SPTBN4: variants seen among roughly 807,000 people sequenced by gnomAD.
SPTBN4 encodes spectrin beta, non-erythrocytic 4, also known as spectrin beta chain, non-erythrocytic 4.
A neutral mutation model predicts 277.8 loss-of-function variants in SPTBN4; 96 were observed. The observed-to-expected ratio is 0.35, with a 90% CI of 0.29 to 0.41. The LOEUF (loss-of-function observed/expected upper bound fraction) is 0.41. SPTBN4 is among the 10% of genes least tolerant of loss of function. The pLI is 1.00. For synonymous variants in SPTBN4, 1,481 were observed against 1,580.3 expected, an observed-to-expected ratio of 0.94 and a Z score of 1.49; for missense variants, 3,006 against 3,595.7, an observed-to-expected ratio of 0.84 and a Z score of 4.19.
In SPTBN4 at chr19:40,513,043, C is replaced by T. The variant is rs1425994916; in HGVS notation, c.2254C>T (p.Arg752Trp). ...CCTGGCGGAGCGCGCGGCGAGCGCC[C>T]GGCGCCGCTGGCAGAGGCTGGAAGA... is the stretch of plus-strand genomic sequence containing the variant. ...VGLAERAASA[R>W]RRWQRLEEAA... The change falls in exon 14 of 36, where the codon CGG (arginine) becomes TGG (tryptophan). Residue 752 changes from arginine (R) to tryptophan (W), a missense_variant. By Grantham distance (101) the Arg-to-Trp change is moderately radical. Around this residue, in one of 5 missense-constraint regions of SPTBN4, gnomAD observed 1,759 missense variants for 2,061.5 expected, o/e 0.85. Transcript: ENST00000598249. 5 of 1,420,376 alleles carry T rather than the reference C, an allele frequency of 3.5e-6. No homozygotes were observed. The highest frequency in any genetic ancestry group is 2.8e-5 in the South Asian group (2 of 70,246). 88.0% of individuals were successfully genotyped at this position (1,420,376 alleles called of 1,614,324 possible). A position where few individuals can be genotyped will look rare whatever the true frequency, so the allele number is the denominator to read the frequency against.
chr19:40,535,772 AAC>A (rs1306606179), intron 20 of SPTBN4, among the ~76,000 whole-genome samples: 14 of 152,144 alleles, frequency 9.2e-5, no homozygotes, highest in South Asian at 4.1e-4. Context: ...CTCTACTAAA[AAC>A]ACACACAAAA....
Position 40,568,132 on chromosome 19 carries a change from G to A in SPTBN4, c.6806G>A (p.Arg2269Gln), listed in dbSNP as rs200652727. ...EEAARRRRPE[R>Q]QESAEHEAAH... ...GCTGCGCGGAGGCGGCGGCCGGAGCGGCAGGAGTCAGCGGAGCACGAGGCG... is the reference window on the plus strand; with the variant it reads ...GCTGCGCGGAGGCGGCGGCCGGAGCAGCAGGAGTCAGCGGAGCACGAGGCG... The change falls in exon 31 of 36, where the codon CGG becomes CAG. Residue 2269 changes from arginine to glutamine, a missense_variant. Physicochemically the swap from Arg to Gln is conservative, Grantham distance 43. This residue lies in a region of SPTBN4 where 630 missense variants were observed against 677.6 expected (regional missense o/e 0.93). Coordinates refer to ENST00000598249, the MANE Select transcript of SPTBN4 (RefSeq NM_020971.3). The A allele has an allele frequency of 7.0e-6, 11 of 1,576,494 alleles. No homozygotes were observed. The highest frequency in any genetic ancestry group is 1.2e-5 in the South Asian group (1 of 86,516).
intron 7 of SPTBN4, among the ~76,000 whole-genome samples, chr19:40,500,300 CA>C (rs908043152): frequency 4.6e-5 from 7 of 152,108 alleles, no homozygotes; most frequent in Admixed American, 1.3e-4. Flanking sequence ...AGGCAGGAAC[CA>C]TGATAATCTT....
intron 20 of SPTBN4, among the ~76,000 whole-genome samples, chr19:40,548,346 C>A (rs1263080642): frequency 1.3e-5 from 2 of 151,914 alleles, no homozygotes; most frequent in Non-Finnish European, 2.9e-5. Flanking sequence ...AAAAAATTAG[C>A]AAGGCATGGT....
At chr19:40,480,228 G>T (rs1470528920) in intron 2 of SPTBN4, among the ~76,000 whole-genome samples, 1 of 142,502 alleles carries the variant, frequency 7.0e-6, no homozygotes, top group African/African-American at 2.7e-5. Context: ...TCCAGCCGGG[G>T]TTAACAGAGA....
In SPTBN4 at chr19:40,467,023, C is replaced by G. The variant is rs889374538; in HGVS notation, c.-298C>G. Among the ~76,000 whole-genome samples the G allele has an allele frequency of 4.0e-5, 6 of 151,708 alleles. No homozygotes were observed. The highest frequency in any genetic ancestry group is 1.5e-4 in the African/African-American group (6 of 41,370). On this transcript the variant is annotated 5_prime_UTR_variant, in exon 1 of 36. Transcript: ENST00000598249. ...GCCGCCGTGCCCTCGCGAGTGCAGC[C>G]GTGCACCCCACGCCGCGGCCGGGTG...
intron 17 of SPTBN4, among the ~76,000 whole-genome samples, chr19:40,528,807 T>G (rs2080625847): frequency 6.6e-6 from 1 of 152,112 alleles, no homozygotes; most frequent in Non-Finnish European, 1.5e-5. Flanking sequence ...TATCTCTTTC[T>G]TTCTAAGTGC....
rs1269598025 is a variant in SPTBN4, at chr19:40,570,470, G to A, written c.7061G>A (p.Gly2354Asp). The A allele has an allele frequency of 1.9e-6, 3 of 1,565,078 alleles. No individual in the cohort carries two copies. Among genetic ancestry groups the A allele is most frequent in the Non-Finnish European group, 2.6e-6 (3 of 1,164,706 alleles). The change falls in exon 33 of 36, where the codon GGT becomes GAT. Residue 2354 changes from glycine (G) to aspartate (D), a missense_variant. By Grantham distance (94) the Gly-to-Asp change is moderately conservative. This residue lies in a region of SPTBN4 where 630 missense variants were observed against 677.6 expected (regional missense o/e 0.93). Coordinates refer to ENST00000598249, the MANE Select transcript of SPTBN4 (RefSeq NM_020971.3). ...SLPQPRELPP[G>D]RLPNGLELPE... ...CCTCAGCCACGCGAGCTTCCCCCAG[G>A]TCGCCTGCCCAACGGGCTTGAGCTG...
chr19:40,502,557 T>C lies in SPTBN4; in HGVS notation c.1203+50T>C, dbSNP rs1490593979. ...GGCGGGGTTGCACTGTGGAGTTGTA[T>C]AGGTTGCACACTGCTCAAGGGAATC... On this transcript the variant is annotated intron_variant, in intron 10 of 35. Transcript: ENST00000598249. The surrounding 1 kb of genome is among the most constrained non-coding windows in gnomAD (Gnocchi z 4.9). 1 of 1,533,128 alleles carries C rather than the reference T, an allele frequency of 6.5e-7. No homozygotes were observed. Among genetic ancestry groups the C allele is most frequent in the Non-Finnish European group, 8.9e-7 (1 of 1,129,722 alleles). 95.0% of individuals were successfully genotyped at this position (1,533,128 alleles called of 1,614,324 possible).
chr19:40,553,473 A>G (rs2080941124), intron 22 of SPTBN4, among the ~76,000 whole-genome samples: 1 of 152,156 alleles, frequency 6.6e-6, no homozygotes, highest in South Asian at 2.1e-4. Context: ...AAAAAGCAAA[A>G]TAAGGAGAGG....
Position 40,513,106 on chromosome 19 carries a change from C to T in SPTBN4, c.2317C>T (p.Arg773Trp). The change falls in exon 14 of 36, where the codon CGG (arginine) becomes TGG (tryptophan). Residue 773 changes from arginine to tryptophan, a missense_variant. Physicochemically the swap from Arg to Trp is moderately radical, Grantham distance 101. Transcript: ENST00000598249. ...GCGAGAGCGGCGGCTGCAGGAGGCG[C>T]GGGCGCTGCACCAGTTCGGCGCTGA... The part of the protein sequence containing the change: ...ARRERRLQEA[R>W]ALHQFGADLD... 5 of 1,439,506 alleles carry T rather than the reference C, an allele frequency of 3.5e-6. No homozygotes were observed. Among genetic ancestry groups the T allele is most frequent in the Non-Finnish European group, 4.5e-6 (5 of 1,103,008 alleles). The allele number at this position is 1,439,506 out of a possible 1,614,324, so 89.2% of individuals were successfully genotyped here.
intron 20 of SPTBN4, among the ~76,000 whole-genome samples, chr19:40,536,351 T>C (rs1359896348): frequency 1.3e-5 from 2 of 152,050 alleles, no homozygotes; most frequent in Non-Finnish European, 2.9e-5. Flanking sequence ...GTAGCTGGGA[T>C]TACAGGCATG....
intron 2 of SPTBN4, 85 bp from the exon 3 acceptor site, chr19:40,487,612 A>G: frequency 5.4e-6 from 8 of 1,493,598 alleles, no homozygotes; most frequent in South Asian, 1.3e-5. Context: ...ACTCTTGCAG[A>G]GAGCTGGGTC....
Sources: allele counts gnomAD v4.1 joint callset (sites outside exome capture counted in the v4.1 genomes callset), GRCh38; gene constraint gnomAD v4.1.1; regional missense constraint gnomAD v4.1.1; non-coding constraint Gnocchi (gnomAD v3.1); transcripts MANE v1.5; gene names NCBI Gene and HGNC (gene_info 2026-07-23, HGNC 2026-07-21).